AOAH: variants seen among roughly 807,000 people sequenced by gnomAD.
AOAH encodes acyloxyacyl hydrolase (neutrophil).
Under a neutral mutation model 92.2 loss-of-function variants are expected in AOAH, and 64 were observed. The observed-to-expected ratio is 0.69, with a 90% CI of 0.57 to 0.86. AOAH has a LOEUF of 0.86. Ranked by LOEUF, AOAH falls within the 40% of genes least tolerant of loss-of-function variation. The pLI is 0.00. For synonymous variants in AOAH, 263 were observed against 254.5 expected (o/e 1.03, Z -0.32); for missense variants, 656 against 694.6 (o/e 0.94, Z 0.62).
At chr7:36,692,745 T>A (rs780194534) in intron 1 of AOAH, among the ~76,000 whole-genome samples, 4 of 152,194 alleles carry the variant, frequency 2.6e-5, no homozygotes, top group Non-Finnish European at 5.9e-5. Flanking sequence ...ACGTACTATG[T>A]GCCCAGAAGC....
intron 15 of AOAH, among the ~76,000 whole-genome samples, chr7:36,541,067 A>G (rs984833740): frequency 6.6e-6 from 1 of 152,226 alleles, no homozygotes; most frequent in African/African-American, 2.4e-5. Context: ...AACTTTTCAC[A>G]TGTATAACAG....
intron 2 of AOAH, among the ~76,000 whole-genome samples, chr7:36,679,425 G>GC (rs1354177446): frequency 6.6e-6 from 1 of 151,230 alleles, no homozygotes; most frequent in African/African-American, 2.4e-5. Flanking sequence ...TCACAACATA[G>GC]CAAGTGGTTC....
intron 15 of AOAH, among the ~76,000 whole-genome samples, chr7:36,546,910 G>A (rs576518981): frequency 2.1e-4 from 32 of 152,280 alleles, no homozygotes; most frequent in African/African-American, 6.5e-4. Flanking sequence ...TTGGCACATC[G>A]TGGTGCTCAC....
chr7:36,522,022 C>T lies in AOAH; in HGVS notation c.1599+17G>A, dbSNP rs1242880704. On this transcript the variant is annotated intron_variant, in intron 20 of 20. Coordinates refer to ENST00000617537, the MANE Select transcript of AOAH (RefSeq NM_001637.4). ...CCATCAAATAGCCTTCTGCAGCCAC[C>T]ATGTGACTGTGCTTACCTCGTTGGG... 6.2e-7 allele frequency: 1 copy of T among 1,608,230 alleles called. No homozygotes were observed. Among genetic ancestry groups the T allele is most frequent in the Admixed American group, 1.7e-5 (1 of 60,020 alleles).
intron 12 of AOAH, among the ~76,000 whole-genome samples, chr7:36,582,001 G>C (rs1276969677): frequency 6.6e-6 from 1 of 152,158 alleles, no homozygotes; most frequent in Non-Finnish European, 1.5e-5. Context: ...TGATATGCCT[G>C]CAAATTGAGA....
At chr7:36,620,461 C>A (rs1792197721) in intron 9 of AOAH, among the ~76,000 whole-genome samples, 1 of 152,140 alleles carries the variant, frequency 6.6e-6, no homozygotes, top group African/African-American at 2.4e-5. Flanking sequence ...GCTCCAACAG[C>A]TGTGTGGGTT....
At chr7:36,518,072 G>T (rs1307561736) in intron 20 of AOAH, among the ~76,000 whole-genome samples, 1 of 152,068 alleles carries the variant, frequency 6.6e-6, no homozygotes, top group Non-Finnish European at 1.5e-5. Context: ...GGTAAACAGT[G>T]CCATGAGTTT....
intron 3 of AOAH, among the ~76,000 whole-genome samples, chr7:36,664,631 A>T (rs1476477906): frequency 6.6e-6 from 1 of 152,142 alleles, no homozygotes; most frequent in Admixed American, 6.5e-5. Context: ...TTTAGAATCA[A>T]TGTGTCAATA....
At chr7:36,723,334 CCAAAAAAAACAAA>C (rs1444559290) in intron 1 of AOAH, among the ~76,000 whole-genome samples, 2 of 151,740 alleles carry the variant, frequency 1.3e-5, no homozygotes, top group Non-Finnish European at 2.9e-5. Context: ...CTGCTCTCAT[CCAAAAAAAACAAA>C]CAAAAAAAAC....
At chr7:36,615,280 A>C (rs1313172219) in intron 11 of AOAH, among the ~76,000 whole-genome samples, 1 of 126,482 alleles carries the variant, frequency 7.9e-6, no homozygotes, top group Non-Finnish European at 1.9e-5. Flanking sequence ...ATAATTTAAA[A>C]ATTTATTTTT....
chr7:36,723,978 T>C (rs894993037), intron 1 of AOAH, 44 bp downstream of exon 1: 4 of 1,591,470 alleles, frequency 2.5e-6, no homozygotes, highest in Admixed American at 3.5e-5. Flanking sequence ...CTGGATCCCA[T>C]TGTTATGTCT....
Position 36,574,389 on chromosome 7 carries a change from A to G in AOAH, c.1021+2185T>C, listed in dbSNP as rs917769567. Reference sequence around the variant, plus strand: ...TTTTATCTTTGCAATCTGAATTTTAAAGGAGTGTTGTCAAGACAGGAGATC... The same window carrying G: ...TTTTATCTTTGCAATCTGAATTTTAGAGGAGTGTTGTCAAGACAGGAGATC... On this transcript the variant is annotated intron_variant, in intron 13 of 20. Transcript: ENST00000617537. 2.6e-5 allele frequency among the ~76,000 whole-genome samples: 4 copies of G among 152,174 alleles called. No homozygotes were observed. In the East Asian group the frequency reaches 7.7e-4, roughly 29 times the overall value.
chr7:36,686,638 T>C, intron 2 of AOAH, 61 bp downstream of exon 2: 2 of 951,876 alleles, frequency 2.1e-6, no homozygotes, highest in South Asian at 2.6e-5. Flanking sequence ...AAGGCAGTCA[T>C]CATGACTCAT....
chr7:36,643,274 A>G (rs1350398688), intron 4 of AOAH, among the ~76,000 whole-genome samples: 2 of 152,198 alleles, frequency 1.3e-5, no homozygotes, highest in Non-Finnish European at 2.9e-5. Context: ...TTAGCACTCT[A>G]GTTTCTAGAC....
At chr7:36,540,572 TCA>T (rs1785358403) in intron 15 of AOAH, 81 bp from the exon 16 acceptor site, 3 of 1,248,258 alleles carry the variant, frequency 2.4e-6, no homozygotes, top group African/African-American at 1.5e-5. Flanking sequence ...ACAAGATACA[TCA>T]CACACACATA....
chr7:36,643,616 T>C (rs761439558), intron 4 of AOAH, among the ~76,000 whole-genome samples: 3 of 152,220 alleles, frequency 2.0e-5, no homozygotes, highest in Admixed American at 6.5e-5. Context: ...TATTCATTTA[T>C]TTTACAAATA....
intron 1 of AOAH, among the ~76,000 whole-genome samples, chr7:36,687,350 A>T (rs1423913212): frequency 6.6e-6 from 1 of 152,186 alleles, no homozygotes; most frequent in Non-Finnish European, 1.5e-5. Flanking sequence ...ACAGCTATAA[A>T]GCATACTACT....
chr7:36,576,239 T>G (rs1195849948), intron 13 of AOAH, among the ~76,000 whole-genome samples: 1 of 152,182 alleles, frequency 6.6e-6, no homozygotes, highest in Non-Finnish European at 1.5e-5. Flanking sequence ...TGACCTTAAT[T>G]TTTCTCAGCT....
At chr7:36,689,634 AG>A (rs998912287) in intron 1 of AOAH, among the ~76,000 whole-genome samples, 10 of 152,174 alleles carry the variant, frequency 6.6e-5, no homozygotes, top group African/African-American at 2.4e-4. Flanking sequence ...GTCAAAAGCT[AG>A]GGAAGATGTG....
Sources: allele counts gnomAD v4.1 joint callset (sites outside exome capture counted in the v4.1 genomes callset), GRCh38; gene constraint gnomAD v4.1.1; transcripts MANE v1.5; gene names NCBI Gene and HGNC (gene_info 2026-07-23, HGNC 2026-07-21).